Variants in TTC23L observed in about 807,000 individuals in gnomAD.
The protein encoded by TTC23L is tetratricopeptide repeat domain 23 like.
TTC23L carries 42 observed loss-of-function variants against 48.1 expected under a neutral mutation model. That is an observed-to-expected ratio of 0.87 (90% CI 0.68 to 1.13). The LOEUF (loss-of-function observed/expected upper bound fraction) is 1.13. Ranked by LOEUF, TTC23L falls within the 50% of genes most tolerant of loss-of-function variation. TTC23L has a pLI of 0.00. For missense variants in TTC23L, 391 were observed against 421.0 expected (o/e 0.93, Z 0.62); for synonymous variants, 159 against 157.2 (o/e 1.01, Z -0.09).
At chr5:34,854,078 T>G (rs1479615452) in intron 4 of TTC23L, among the ~76,000 whole-genome samples, 2 of 152,204 alleles carry the variant, frequency 1.3e-5, no homozygotes, top group East Asian at 3.9e-4. Context: ...CTTTTCCAAT[T>G]AGATTCCAAG....
chr5:34,919,753 A>ATT, the TTC23L span: 4 of 437,234 alleles, frequency 9.1e-6, no homozygotes, highest in Non-Finnish European at 1.7e-5. Context: ...AAAACACTTT[A>ATT]TTTTCTGGAT....
At chr5:34,911,192 C>T in the TTC23L span, among the ~76,000 whole-genome samples, 21 of 152,318 alleles carry the variant, frequency 1.4e-4, no homozygotes, top group East Asian at 4.1e-3. Context: ...GCATCCTGAA[C>T]TAACTTGAAA....
At chr5:34,867,223 T>C (rs1317372594) in intron 7 of TTC23L, 154 bp downstream of exon 7, 1 of 784,288 alleles carries the variant, frequency 1.3e-6, no homozygotes, top group East Asian at 2.7e-5. Context: ...TAAGAGCCCT[T>C]GATCAAACCT....
intron 9 of TTC23L, among the ~76,000 whole-genome samples, chr5:34,896,388 A>G (rs1763227899): frequency 1.3e-5 from 2 of 152,200 alleles, no homozygotes. Context: ...CTTCTACCAC[A>G]TACTTGCTGT....
chr5:34,905,951 T>A, the TTC23L span: 2 of 150,612 alleles, frequency 1.3e-5, no homozygotes, highest in Non-Finnish European at 3.0e-5. Flanking sequence ...CAATAATTTT[T>A]ATTTTAATTT....
intron 9 of TTC23L, among the ~76,000 whole-genome samples, chr5:34,890,456 A>AG (rs1427040823): frequency 6.6e-6 from 1 of 151,620 alleles, no homozygotes; most frequent in Non-Finnish European, 1.5e-5. Context: ...AAAAAAAAAA[A>AG]AAAAAAAAAG....
the TTC23L span, chr5:34,923,089 G>A: frequency 6.4e-7 from 1 of 1,564,046 alleles, no homozygotes; most frequent in Non-Finnish European, 8.8e-7. Flanking sequence ...AAATATACAT[G>A]ATATATCTTG....
the TTC23L span, chr5:34,908,885 AAT>A: frequency 1.2e-6 from 2 of 1,612,998 alleles, no homozygotes; most frequent in Non-Finnish European, 1.7e-6. Context: ...TATCTGTCCG[AAT>A]AGATACCTTA....
chr5:34,923,301 C>A, the TTC23L span: 1 of 1,269,904 alleles, frequency 7.9e-7, no homozygotes, highest in Non-Finnish European at 1.1e-6. Flanking sequence ...TGTTTTGAGA[C>A]AGAGTCTCGC....
At chr5:34,887,397 G>A (rs1388092056) in intron 9 of TTC23L, among the ~76,000 whole-genome samples, 1 of 152,146 alleles carries the variant, frequency 6.6e-6, no homozygotes, top group Non-Finnish European at 1.5e-5. Flanking sequence ...TGAGTGAAAT[G>A]AGCAGGGGTT....
chr5:34,915,694 C>G, the TTC23L span: 4 of 1,543,976 alleles, frequency 2.6e-6, no homozygotes, highest in Non-Finnish European at 3.5e-6. Flanking sequence ...TAGGAGCGAG[C>G]GGCAGCGCCG....
chr5:34,918,256 AGT>A, the TTC23L span: 1 of 559,322 alleles, frequency 1.8e-6, no homozygotes, highest in Non-Finnish European at 3.2e-6. Context: ...TTGAAACTGC[AGT>A]GAGCCGTGAG....
At chr5:34,913,226 C>T in the TTC23L span, among the ~76,000 whole-genome samples, 8 of 151,862 alleles carry the variant, frequency 5.3e-5, no homozygotes, top group East Asian at 1.2e-3. Flanking sequence ...TTGGCCAGTT[C>T]GAATTTACAA....
chr5:34,915,953 T>C, the TTC23L span: 1 of 1,480,556 alleles, frequency 6.8e-7, no homozygotes, highest in Non-Finnish European at 9.0e-7. Context: ...GCGCCTTTTC[T>C]TGGGTTACTT....
the TTC23L span, chr5:34,909,376 C>G: frequency 1.3e-6 from 2 of 1,490,536 alleles, no homozygotes; most frequent in Non-Finnish European, 1.9e-6. Context: ...ATGATTACCT[C>G]ATTTATTCAT....
chr5:34,923,944 G>C, the TTC23L span, among the ~76,000 whole-genome samples: 3 of 152,244 alleles, frequency 2.0e-5, no homozygotes, highest in Middle Eastern at 0.01. Flanking sequence ...GGAATAACTT[G>C]AAGATCCATG....
chr5:34,882,983 T>A (rs1405092608), intron 9 of TTC23L: 2 of 152,814 alleles, frequency 1.3e-5, no homozygotes, highest in Non-Finnish European at 2.9e-5. Flanking sequence ...GAGGCTGCAG[T>A]GAGCTGTGAT....
intron 9 of TTC23L, chr5:34,882,981 A>C (rs537249537): frequency 6.5e-6 from 1 of 153,004 alleles, no homozygotes; most frequent in East Asian, 1.9e-4. Context: ...TTGAGGCTGC[A>C]GTGAGCTGTG....
rs1278089682 is a variant in TTC23L, at chr5:34,857,683, CTTCA to C, written c.380-5210_380-5207del. 4.1e-5 allele frequency among the ~76,000 whole-genome samples: 5 copies of C among 122,726 alleles called. No individual in the cohort carries two copies. In the East Asian group the frequency reaches 1.1e-3, roughly 26 times the overall value. 80.5% of individuals were successfully genotyped at this position (122,726 alleles called of 152,430 possible). ...AATGGCTAATATATCTTCAAACTCA[CTTCA>C]TTCAGGTACTATTTAATCCTTTTTT... On this transcript the variant is annotated intron_variant, in intron 4 of 10. Coordinates refer to ENST00000505624, the Ensembl canonical transcript of TTC23L.
Sources: allele counts gnomAD v4.1 joint callset (sites outside exome capture counted in the v4.1 genomes callset), GRCh38; gene constraint gnomAD v4.1.1; transcripts MANE v1.5; gene names NCBI Gene and HGNC (gene_info 2026-07-23, HGNC 2026-07-21).